The following TNS1 variants were observed in gnomAD, a reference collection of about 807,000 sequenced individuals.
The protein encoded by TNS1 is tensin 1, also known as tensin-1.
In TNS1, 62 loss-of-function variants were observed where a neutral mutation model predicts 168.6. The ratio of observed to expected loss-of-function variants is 0.37; its 90% CI spans 0.30 to 0.45. The LOEUF is 0.45. TNS1 is among the 20% of genes least tolerant of loss of function. The pLI, the probability that TNS1 is intolerant of heterozygous loss-of-function variation, is 1.00. For synonymous variants in TNS1, 934 were observed against 933.2 expected (o/e 1.00, Z -0.02); for missense variants, 2,240 against 2,339.4 (o/e 0.96, Z 0.88).
intron 18 of TNS1, among the ~76,000 whole-genome samples, chr2:217,861,117 T>A (rs1168334858): frequency 6.6e-6 from 1 of 152,170 alleles, no homozygotes; most frequent in African/African-American, 2.4e-5. Context: ...GGTACAGGGA[T>A]TTTACTGTCT....
intron 3 of TNS1, among the ~76,000 whole-genome samples, chr2:217,970,494 C>T (rs755284105): frequency 1.2e-4 from 18 of 152,144 alleles, no homozygotes; most frequent in Non-Finnish European, 1.8e-4. Flanking sequence ...AGTGAAACAA[C>T]CCAAATGTCC....
chr2:217,905,475 C>A, intron 6 of TNS1: 1 of 351,162 alleles, frequency 2.8e-6, no homozygotes, highest in Non-Finnish European at 5.8e-6. Context: ...GGAACTGCCC[C>A]TCCTGCTCCC....
At chr2:217,805,546 C>CA (rs1938615176) in intron 32 of TNS1, among the ~76,000 whole-genome samples, 5 of 1,802 alleles carry the variant, frequency 2.8e-3, no homozygotes, top group Admixed American at 0.015. Flanking sequence ...ACACACACCA[C>CA]CACACACCAC....
chr2:217,936,479 G>C (rs978965937), intron 3 of TNS1, among the ~76,000 whole-genome samples: 3 of 152,098 alleles, frequency 2.0e-5, no homozygotes, highest in Non-Finnish European at 2.9e-5. Context: ...GAAGCCCAGA[G>C]GGATCAGGGA....
At chr2:217,998,540 G>A (rs752447972) in intron 1 of TNS1, among the ~76,000 whole-genome samples, 22 of 152,118 alleles carry the variant, frequency 1.4e-4, no homozygotes, top group African/African-American at 4.6e-4. Context: ...TTGCTCTGTC[G>A]CCTGGGCTGG....
chr2:218,008,621 G>C (rs1958680167), intron 1 of TNS1, among the ~76,000 whole-genome samples: 1 of 152,238 alleles, frequency 6.6e-6, no homozygotes, highest in African/African-American at 2.4e-5. Flanking sequence ...AGATTTCAAA[G>C]CATACCTTGG....
rs1341161122 is a variant in TNS1 at position 217,990,939 on chromosome 2, C to T, written c.148+3G>A. 3.1e-6 allele frequency: 2 copies of T among 655,320 alleles called. No homozygotes were observed. The highest frequency in any genetic ancestry group is 2.8e-6 in the Non-Finnish European group (1 of 353,828). 40.6% of individuals were successfully genotyped at this position (655,320 alleles called of 1,614,324 possible). Reference sequence around the variant, plus strand: ...ATCCCCCACAGCCCAGACCGCTGCTCACCTTTGCAGGTGCAGCCTTCCTGG... The same window carrying T: ...ATCCCCCACAGCCCAGACCGCTGCTTACCTTTGCAGGTGCAGCCTTCCTGG... On this transcript the variant is annotated splice_donor_region_variant and intron_variant, in intron 2 of 32. Coordinates refer to ENST00000682258, the MANE Select transcript of TNS1 (RefSeq NM_001387777.1).
chr2:218,022,969 CA>C (rs1193123614), intron 1 of TNS1, among the ~76,000 whole-genome samples: 1 of 152,184 alleles, frequency 6.6e-6, no homozygotes, highest in East Asian at 1.9e-4. Context: ...GGCCCAACCC[CA>C]CCCCAACCTC....
rs72945986 is a variant in TNS1 at position 217,831,855 on chromosome 2, C to T, written c.3281-308G>A. ...TTCTCGCTGCAGTCCCTTTACTTTG[C>T]AATGGCTTATACCACACACGCAGGC... On this transcript the variant is annotated intron_variant, in intron 21 of 32. Transcript: ENST00000682258. Among the ~76,000 whole-genome samples the T allele has an allele frequency of 4.1e-3, 617 of 152,196 alleles. 1 individual carries two copies. The highest frequency in any genetic ancestry group is 7.5e-3 in the Non-Finnish European group (507 of 67,998).
chr2:218,011,674 C>A (rs555230169), upstream of TNS1, among the ~76,000 whole-genome samples: 16 of 152,240 alleles, frequency 1.1e-4, 1 homozygote, highest in South Asian at 2.1e-3. Context: ...ACCCCTGCCC[C>A]CAAGCTCTCC....
chr2:218,003,081 C>A (rs547700522), upstream of TNS1: 1 of 385,802 alleles, frequency 2.6e-6, no homozygotes, highest in South Asian at 1.9e-5. Flanking sequence ...AGCCTCCTCT[C>A]TCCTCCCTCC....
chr2:217,870,016 C>G (rs1949637279), intron 18 of TNS1, among the ~76,000 whole-genome samples: 1 of 152,212 alleles, frequency 6.6e-6, no homozygotes, highest in African/African-American at 2.4e-5. Flanking sequence ...TGTGAGGAAG[C>G]CAGTCAGATT....
intron 19 of TNS1, among the ~76,000 whole-genome samples, chr2:217,839,722 C>G (rs1260348655): frequency 6.6e-6 from 1 of 152,172 alleles, no homozygotes; most frequent in Admixed American, 6.5e-5. Flanking sequence ...CTCCTCTGCA[C>G]CCCCCAGACT....
intron 18 of TNS1, among the ~76,000 whole-genome samples, chr2:217,872,155 G>T (rs1472054972): frequency 6.6e-6 from 1 of 152,186 alleles, no homozygotes; most frequent in African/African-American, 2.4e-5. Flanking sequence ...AAGTACTTGG[G>T]TCTCAGTTGT....
intron 3 of TNS1, among the ~76,000 whole-genome samples, chr2:217,934,741 G>A (rs990097567): frequency 6.6e-6 from 1 of 152,172 alleles, no homozygotes; most frequent in Non-Finnish European, 1.5e-5. Context: ...ACTGGGCAAA[G>A]AACGTTCCAA....
intron 19 of TNS1, among the ~76,000 whole-genome samples, chr2:217,844,068 A>G (rs1233985894): frequency 6.6e-6 from 1 of 152,008 alleles, no homozygotes; most frequent in Non-Finnish European, 1.5e-5. Context: ...TAACAGAACC[A>G]TCATTCTATT....
rs759438688 is a variant in TNS1 at position 217,848,925 on chromosome 2, G to A, written c.1592C>T (p.Ser531Leu). 64 of 1,614,048 alleles carry A rather than the reference G, an allele frequency of 4.0e-5. No homozygotes were observed. The highest frequency in any genetic ancestry group is 5.1e-5 in the Non-Finnish European group (60 of 1,180,030). Residue 531 changes from serine to leucine, a missense_variant, in exon 19 of 33, where the codon TCG (serine) becomes TTG (leucine). Physicochemically the swap from Ser to Leu is moderately radical, Grantham distance 145. Transcript: ENST00000682258. ...CTTGGTGGAGGCTGTGGAGTTGCCC[G>A]AGTCGCTGCTCACAGAAAGCGTGTG... ...VEHTLSVSSD[S>L]GNSTASTKTD... is the part of the protein sequence containing the mutation.
At chr2:217,832,781 C>T (rs1043804789) in intron 21 of TNS1, among the ~76,000 whole-genome samples, 1 of 152,210 alleles carries the variant, frequency 6.6e-6, no homozygotes, top group Non-Finnish European at 1.5e-5. Flanking sequence ...GAGTGGCACA[C>T]CCCTGCCCTT....
intron 10 of TNS1, 125 bp from the exon 11 acceptor site, chr2:217,893,137 C>A: frequency 1.6e-6 from 2 of 1,242,966 alleles, no homozygotes; most frequent in Admixed American, 2.1e-5. Context: ...TAAGGGAGAA[C>A]ATAAGGAGGA....
Sources: allele counts gnomAD v4.1 joint callset (sites outside exome capture counted in the v4.1 genomes callset), GRCh38; gene constraint gnomAD v4.1.1; transcripts MANE v1.5; gene names NCBI Gene and HGNC (gene_info 2026-07-23, HGNC 2026-07-21).